The following GPHN variants were observed in gnomAD, a reference collection of about 807,000 sequenced individuals.
The protein encoded by GPHN is gephyrin.
In GPHN, 17 loss-of-function variants were observed where a neutral mutation model predicts 95.5. The ratio of observed to expected loss-of-function variants is 0.18; its 90% CI spans 0.12 to 0.27. The LOEUF is 0.27. GPHN is among the 10% of genes least tolerant of loss of function. The pLI, the probability that GPHN is intolerant of heterozygous loss-of-function variation, is 1.00. For missense variants in GPHN, 660 were observed against 978.1 expected, an observed-to-expected ratio of 0.67 and a Z score of 4.34; for synonymous variants, 320 against 322.5, an observed-to-expected ratio of 0.99 and a Z score of 0.08.
At chr14:67,311,679 A>G in the GPHN span, among the ~76,000 whole-genome samples, 2 of 152,240 alleles carry the variant, frequency 1.3e-5, no homozygotes, top group Non-Finnish European at 2.9e-5. Context: ...AGAATAGCTT[A>G]TAAAGTTCAT....
At chr14:66,831,761 AAT>A (rs1052240836) in intron 4 of GPHN, among the ~76,000 whole-genome samples, 89 of 152,196 alleles carry the variant, frequency 5.8e-4, no homozygotes, top group African/African-American at 2.1e-3. Flanking sequence ...TAATAATAAA[AAT>A]AGTCAATAAT....
chr14:67,055,999 G>A (rs139801638), intron 10 of GPHN, among the ~76,000 whole-genome samples: 58 of 152,310 alleles, frequency 3.8e-4, no homozygotes, highest in East Asian at 3.7e-3. Context: ...GACCTTCACC[G>A]TGAGTGTTAC....
the GPHN span, chr14:67,725,959 T>A: frequency 2.0e-4 from 177 of 876,422 alleles, no homozygotes; most frequent in Non-Finnish European, 4.1e-5. Context: ...AGACAACTAA[T>A]GAACAAAGGG....
At chr14:66,569,357 A>G (rs574189002) in intron 1 of GPHN, among the ~76,000 whole-genome samples, 3 of 152,192 alleles carry the variant, frequency 2.0e-5, no homozygotes, top group East Asian at 3.9e-4. Flanking sequence ...TAACACACAC[A>G]CCATTGTGCT....
intron 3 of GPHN, among the ~76,000 whole-genome samples, chr14:66,792,553 C>A (rs1407003934): frequency 1.3e-5 from 2 of 150,304 alleles, no homozygotes; most frequent in East Asian, 3.9e-4. Context: ...GAAATAAAGA[C>A]ATGTCCAAAT....
At chr14:67,684,996 A>C in the GPHN span, 1 of 1,586,632 alleles carries the variant, frequency 6.3e-7, no homozygotes, top group Non-Finnish European at 8.6e-7. Flanking sequence ...TCATCTGCAA[A>C]AAGAGATAAC....
intron 2 of GPHN, among the ~76,000 whole-genome samples, chr14:66,716,257 C>T (rs564332862): frequency 1.3e-5 from 2 of 152,158 alleles, no homozygotes; most frequent in Admixed American, 1.3e-4. Context: ...TATATAATGT[C>T]CCTCTTTGTC....
At chr14:67,048,756 A>G (rs906397659) in intron 10 of GPHN, among the ~76,000 whole-genome samples, 4 of 152,234 alleles carry the variant, frequency 2.6e-5, no homozygotes, top group African/African-American at 9.6e-5. Context: ...AATATTGTAA[A>G]TTAAAGTGAG....
chr14:67,405,224 CAAAAAAAAA>C, the GPHN span, among the ~76,000 whole-genome samples: 2 of 40,482 alleles, frequency 4.9e-5, no homozygotes, highest in African/African-American at 8.9e-5. Context: ...GAGTCCATCT[CAAAAAAAAA>C]AAAAAAAAAA....
chr14:66,983,360 T>C (rs2070808302), intron 9 of GPHN, among the ~76,000 whole-genome samples: 2 of 152,188 alleles, frequency 1.3e-5, no homozygotes, highest in East Asian at 1.9e-4. Context: ...AATAAGGACA[T>C]TACATTTTAA....
chr14:66,732,295 A>G (rs2071839733), intron 2 of GPHN, among the ~76,000 whole-genome samples: 2 of 152,202 alleles, frequency 1.3e-5, no homozygotes, highest in African/African-American at 4.8e-5. Flanking sequence ...ATGCCAGCCC[A>G]TTCACCAAAG....
At chr14:67,619,493 C>T in the GPHN span, among the ~76,000 whole-genome samples, 1 of 152,242 alleles carries the variant, frequency 6.6e-6, no homozygotes, top group Admixed American at 6.5e-5. Flanking sequence ...CAGGTGGATC[C>T]TGGCTTTGAC....
chr14:67,586,661 C>A, the GPHN span: 2 of 469,918 alleles, frequency 4.3e-6, no homozygotes, highest in Non-Finnish European at 7.1e-6. Flanking sequence ...TTGTTCCTGA[C>A]TCCCGTGTGA....
At chr14:66,593,873 A>G (rs948590594) in intron 1 of GPHN, among the ~76,000 whole-genome samples, 1 of 152,226 alleles carries the variant, frequency 6.6e-6, no homozygotes, top group Non-Finnish European at 1.5e-5. Context: ...GAAAGGAAGA[A>G]GTAAAATTGT....
At chr14:67,302,582 G>A in the GPHN span, 50 of 1,456,742 alleles carry the variant, frequency 3.4e-5, no homozygotes, top group South Asian at 1.1e-4. Context: ...GTAAGTTGAC[G>A]CAGCTAGAAG....
chr14:67,206,439 T>C, the GPHN span, among the ~76,000 whole-genome samples: 1 of 151,994 alleles, frequency 6.6e-6, no homozygotes, highest in Admixed American at 6.6e-5. Flanking sequence ...GAGGTTGCAG[T>C]GAGCCAAGAT....
At chr14:67,233,921 A>C in the GPHN span, among the ~76,000 whole-genome samples, 1 of 152,252 alleles carries the variant, frequency 6.6e-6, no homozygotes, top group Non-Finnish European at 1.5e-5. Flanking sequence ...TTCAGGGCAG[A>C]AGTTCAGACT....
chr14:67,489,952 T>A, the GPHN span, among the ~76,000 whole-genome samples: 1 of 150,852 alleles, frequency 6.6e-6, no homozygotes, highest in Non-Finnish European at 1.5e-5. Context: ...ACCACGCCAC[T>A]GCACTCCAGC....
chr14:67,311,791 G>A, the GPHN span, among the ~76,000 whole-genome samples: 108 of 152,186 alleles, frequency 7.1e-4, no homozygotes, highest in Non-Finnish European at 1.2e-3. Context: ...AACTTGTACC[G>A]TTAATAATAT....
Sources: allele counts gnomAD v4.1 joint callset (sites outside exome capture counted in the v4.1 genomes callset), GRCh38; gene constraint gnomAD v4.1.1; transcripts MANE v1.5; gene names NCBI Gene and HGNC (gene_info 2026-07-23, HGNC 2026-07-21).